Variants in TNRC6B observed in about 807,000 individuals in gnomAD.
The protein encoded by TNRC6B is trinucleotide repeat containing adaptor 6B, also known as trinucleotide repeat-containing gene 6B protein.
In TNRC6B, 52 loss-of-function variants were observed where a neutral mutation model predicts 203.6. That is an observed-to-expected ratio of 0.26 (90% confidence interval 0.20 to 0.32). The LOEUF is 0.32. TNRC6B is among the 10% of genes least tolerant of loss of function. The probability of loss-of-function intolerance (pLI) is 1.00; values close to 1 mark genes in which losing one functional copy is unlikely to be tolerated. For missense variants in TNRC6B, 1,923 were observed against 2,286.2 expected (o/e 0.84, Z 3.24); for synonymous variants, 838 against 845.7 (o/e 0.99, Z 0.16).
At chr22:40,102,967 C>T (rs1206958467) in intron 1 of TNRC6B, among the ~76,000 whole-genome samples, 1 of 152,072 alleles carries the variant, frequency 6.6e-6, no homozygotes, top group Non-Finnish European at 1.5e-5. Context: ...ATCCCAGCTA[C>T]TCGGGAGACT....
intron 1 of TNRC6B, among the ~76,000 whole-genome samples, chr22:40,183,956 A>G (rs1292387112): frequency 6.6e-6 from 1 of 152,094 alleles, no homozygotes; most frequent in Non-Finnish European, 1.5e-5. Flanking sequence ...CGGCCTCCCA[A>G]AGTTCTGGGA....
At chr22:40,197,606 C>CTTTTT (rs10715847) in intron 1 of TNRC6B, among the ~76,000 whole-genome samples, 1 of 139,420 alleles carries the variant, frequency 7.2e-6, no homozygotes, top group Non-Finnish European at 1.6e-5. Context: ...TTTTCTTTTT[C>CTTTTT]TTTTTTTTTT....
In TNRC6B at chr22:40,329,253, A is replaced by G. The variant is rs140043205; in HGVS notation, c.*6012A>G. 1 of 152,328 alleles carries G rather than the reference A, an allele frequency of 6.6e-6. No individual in the cohort carries two copies. Among genetic ancestry groups the G allele is most frequent in the African/African-American group, 2.4e-5 (1 of 41,576 alleles). The allele number at this position is 152,328 out of a possible 1,614,324, so 9.4% of individuals were successfully genotyped here. A position where few individuals can be genotyped will look rare whatever the true frequency, so the allele number is the denominator to read the frequency against. Reference sequence around the variant, plus strand: ...ATCTGCAAGTACAGGGAGTCCATACAGTCAAGAAACACACAGATACACATA... The same window carrying G: ...ATCTGCAAGTACAGGGAGTCCATACGGTCAAGAAACACACAGATACACATA... On this transcript the variant is annotated 3_prime_UTR_variant, in exon 23 of 23. Transcript: ENST00000454349.
intron 1 of TNRC6B, among the ~76,000 whole-genome samples, chr22:40,187,511 G>A (rs1477862965): frequency 6.6e-6 from 1 of 152,124 alleles, no homozygotes; most frequent in Admixed American, 6.5e-5. Context: ...CTTAAAAACA[G>A]ATCCAGCAGG....
chr22:40,149,800 T>C (rs1024311907), intron 3 of TNRC6B, among the ~76,000 whole-genome samples: 2 of 151,798 alleles, frequency 1.3e-5, no homozygotes, highest in African/African-American at 4.8e-5. Flanking sequence ...AACTAAAAAT[T>C]GTACTTTTTT....
chr22:40,207,409 A>G (rs2069494049), intron 1 of TNRC6B, among the ~76,000 whole-genome samples: 1 of 117,402 alleles, frequency 8.5e-6, no homozygotes. Context: ...CCTGCCTCAA[A>G]AAAAAAAAAA....
At chr22:40,090,758 C>T (rs1313860531) in intron 1 of TNRC6B, among the ~76,000 whole-genome samples, 1 of 152,086 alleles carries the variant, frequency 6.6e-6, no homozygotes, top group Non-Finnish European at 1.5e-5. Context: ...TAAACAGTGA[C>T]CAGTAGCAAT....
intron 1 of TNRC6B, among the ~76,000 whole-genome samples, chr22:40,203,557 C>G (rs929647917): frequency 6.6e-6 from 1 of 152,024 alleles, no homozygotes; most frequent in Non-Finnish European, 1.5e-5. Flanking sequence ...CTAAAAAACT[C>G]TTTGATTACT....
chr22:40,148,780 G>A (rs561404690), intron 3 of TNRC6B, among the ~76,000 whole-genome samples: 3 of 149,874 alleles, frequency 2.0e-5, no homozygotes, highest in South Asian at 4.2e-4. Flanking sequence ...TATGACTGGT[G>A]TTCATATTAA....
chr22:40,281,468 T>G (rs1192913027), intron 11 of TNRC6B, among the ~76,000 whole-genome samples, 179 bp downstream of exon 11: 1 of 151,668 alleles, frequency 6.6e-6, no homozygotes, highest in Non-Finnish European at 1.5e-5. Context: ...TTCATGTTTT[T>G]CAACACGGAT....
intron 1 of TNRC6B, among the ~76,000 whole-genome samples, chr22:40,103,054 G>C (rs112306050): frequency 0.057 from 8,605 of 151,586 alleles, 780 homozygotes; most frequent in African/African-American, 0.19. Flanking sequence ...TCCAGCCTGG[G>C]GACAGAGTGA....
chr22:40,132,972 AT>A (rs2146331132), intron 3 of TNRC6B, among the ~76,000 whole-genome samples: 4 of 118,630 alleles, frequency 3.4e-5, no homozygotes, highest in Admixed American at 2.0e-4. Context: ...AAAAAAAAAT[AT>A]ATATATATAT....
chr22:40,158,754 G>T (rs935377478), intron 4 of TNRC6B, among the ~76,000 whole-genome samples: 3 of 152,142 alleles, frequency 2.0e-5, no homozygotes, highest in Non-Finnish European at 2.9e-5. Context: ...TCTGGGCCTG[G>T]TCAGCTATTA....
chr22:40,075,400 T>C (rs1837002316), intron 1 of TNRC6B, among the ~76,000 whole-genome samples: 1 of 151,862 alleles, frequency 6.6e-6, no homozygotes, highest in Admixed American at 6.6e-5. Flanking sequence ...TTATCCCTGG[T>C]AATATTTCTT....
chr22:40,197,320 C>T (rs2069351683), intron 1 of TNRC6B, among the ~76,000 whole-genome samples: 1 of 151,860 alleles, frequency 6.6e-6, no homozygotes, highest in African/African-American at 2.4e-5. Flanking sequence ...CACACTGTTG[C>T]CCCTCGCTGG....
chr22:40,274,029 A>G (rs2070603150), intron 7 of TNRC6B, among the ~76,000 whole-genome samples: 1 of 152,160 alleles, frequency 6.6e-6, no homozygotes, highest in African/African-American at 2.4e-5. Context: ...TTTTCTTGGA[A>G]ACAAATAACT....
rs1031358531 is a variant in TNRC6B, at chr22:40,331,325, C to T, written c.*8084C>T. 4 of 186,802 alleles carry T rather than the reference C, an allele frequency of 2.1e-5. No homozygotes were observed. The Admixed American group carries it at 2.5e-4, about 11-fold the overall frequency. The allele number at this position is 186,802 out of a possible 1,614,324, so 11.6% of individuals were successfully genotyped here. A position where few individuals can be genotyped will look rare whatever the true frequency, so the allele number is the denominator to read the frequency against. ...AAAAATCTGAAATCATATTTTATTT[C>T]TTCAGAGCTATTATAGTTGAACACA... On this transcript the variant is annotated 3_prime_UTR_variant, in exon 23 of 23. Coordinates refer to ENST00000454349, the MANE Select transcript of TNRC6B (RefSeq NM_001162501.2).
chr22:40,200,271 TA>T (rs1418639058), intron 1 of TNRC6B, among the ~76,000 whole-genome samples: 1 of 133,496 alleles, frequency 7.5e-6, no homozygotes, highest in Non-Finnish European at 1.5e-5. Flanking sequence ...ATTTAAAAAG[TA>T]ATATTCTTTT....
chr22:40,273,728 A>G (rs2070598044), intron 7 of TNRC6B, 128 bp downstream of exon 7: 2 of 1,037,052 alleles, frequency 1.9e-6, no homozygotes, highest in African/African-American at 1.6e-5. Context: ...GCAGTGGGAC[A>G]GTCACGACTC....
Sources: allele counts gnomAD v4.1 joint callset (sites outside exome capture counted in the v4.1 genomes callset), GRCh38; gene constraint gnomAD v4.1.1; transcripts MANE v1.5; gene names NCBI Gene and HGNC (gene_info 2026-07-23, HGNC 2026-07-21).